Variants in PLCXD3 observed in about 807,000 individuals in gnomAD.
The protein encoded by PLCXD3 is PI-PLC X domain-containing protein 3.
Under a neutral mutation model 25.5 loss-of-function variants are expected in PLCXD3, and 19 were observed. The observed-to-expected ratio is 0.75, with a 90% confidence interval of 0.52 to 1.09. The LOEUF is 1.09. PLCXD3 is among the 50% of genes least tolerant of loss of function. The pLI is 0.00. For missense variants in PLCXD3, 411 were observed against 388.1 expected, an observed-to-expected ratio of 1.06 and a Z score of -0.50; for synonymous variants, 174 against 137.6, an observed-to-expected ratio of 1.26 and a Z score of -1.85.
At chr5:41,383,968 A>G (rs1285915387) in intron 1 of PLCXD3, among the ~76,000 whole-genome samples, 1 of 152,104 alleles carries the variant, frequency 6.6e-6, no homozygotes, top group Non-Finnish European at 1.5e-5. Flanking sequence ...AACAGCCCAT[A>G]AGAATCACAA....
At chr5:41,441,567 C>T (rs2150511727) in intron 1 of PLCXD3, among the ~76,000 whole-genome samples, 1 of 152,272 alleles carries the variant, frequency 6.6e-6, no homozygotes, top group Admixed American at 6.5e-5. Flanking sequence ...CAAGAGACTG[C>T]TCCAGAACAT....
intron 1 of PLCXD3, among the ~76,000 whole-genome samples, chr5:41,486,829 T>G (rs1748528952): frequency 6.6e-6 from 1 of 152,188 alleles, no homozygotes; most frequent in Non-Finnish European, 1.5e-5. Flanking sequence ...CTCATCTCAA[T>G]TTTAGAGCTG....
At chr5:41,409,668 A>G (rs1437214339) in intron 1 of PLCXD3, among the ~76,000 whole-genome samples, 1 of 152,190 alleles carries the variant, frequency 6.6e-6, no homozygotes, top group Non-Finnish European at 1.5e-5. Flanking sequence ...TTCCATGAGA[A>G]TTAGTATAGA....
rs1366936558 is a variant in PLCXD3 at position 41,474,843 on chromosome 5, G to T, written c.103+35581C>A. Among the ~76,000 whole-genome samples, 4 of 152,114 alleles carry T rather than the reference G, an allele frequency of 2.6e-5. No individual in the cohort carries two copies. In the East Asian group the frequency reaches 5.8e-4, roughly 22 times the overall value. ...AATCCCATGTATCCTGTTGGCAAAG[G>T]TCCCCAAATACCAGTGGAAATCTTA... On this transcript the variant is annotated intron_variant, in intron 1 of 2. Transcript: ENST00000377801.
intron 1 of PLCXD3, among the ~76,000 whole-genome samples, chr5:41,398,918 T>G (rs1746092811): frequency 6.6e-6 from 1 of 152,168 alleles, no homozygotes. Context: ...CAAATTATCC[T>G]TGTCCACAGA....
intron 1 of PLCXD3, among the ~76,000 whole-genome samples, chr5:41,403,772 T>C (rs537137821): frequency 1.1e-4 from 16 of 142,826 alleles, no homozygotes; most frequent in African/African-American, 4.0e-4. Context: ...CCATGGTGTA[T>C]ATGTGCCACA....
At chr5:41,385,242 C>T (rs1034322524) in intron 1 of PLCXD3, among the ~76,000 whole-genome samples, 5 of 152,080 alleles carry the variant, frequency 3.3e-5, no homozygotes, top group African/African-American at 1.2e-4. Flanking sequence ...TATATCTGGT[C>T]TGATATTTTG....
At chr5:41,412,773 G>C (rs1234519405) in intron 1 of PLCXD3, among the ~76,000 whole-genome samples, 1 of 152,124 alleles carries the variant, frequency 6.6e-6, no homozygotes, top group Non-Finnish European at 1.5e-5. Context: ...ATGCTAAAAG[G>C]ACTTGATATT....
chr5:41,321,888 G>C (rs908768716), intron 2 of PLCXD3, among the ~76,000 whole-genome samples: 1 of 152,062 alleles, frequency 6.6e-6, no homozygotes, highest in Non-Finnish European at 1.5e-5. Context: ...AATAAAACTT[G>C]GCCACTATCT....
chr5:41,351,944 G>A (rs1445583246), intron 2 of PLCXD3, among the ~76,000 whole-genome samples: 3 of 152,106 alleles, frequency 2.0e-5, no homozygotes, highest in Non-Finnish European at 4.4e-5. Context: ...GAATAAAGGA[G>A]CAAAATAATT....
chr5:41,352,934 A>G (rs1358630378), intron 2 of PLCXD3, among the ~76,000 whole-genome samples: 1 of 152,198 alleles, frequency 6.6e-6, no homozygotes, highest in Non-Finnish European at 1.5e-5. Context: ...GAAAAATCTT[A>G]AAGAGCAAGA....
At chr5:41,436,634 T>A (rs1162579470) in intron 1 of PLCXD3, among the ~76,000 whole-genome samples, 1 of 152,154 alleles carries the variant, frequency 6.6e-6, no homozygotes, top group African/African-American at 2.4e-5. Flanking sequence ...TAAGTGGCCC[T>A]GAAGTCTTTC....
chr5:41,494,894 C>T (rs1748800945), intron 1 of PLCXD3, among the ~76,000 whole-genome samples: 1 of 152,118 alleles, frequency 6.6e-6, no homozygotes, highest in African/African-American at 2.4e-5. Flanking sequence ...ACAAAGATAA[C>T]CTTACGGAAG....
chr5:41,497,830 CCTTCAAGTATCTT>C (rs1472543372), intron 1 of PLCXD3, among the ~76,000 whole-genome samples: 5 of 151,794 alleles, frequency 3.3e-5, no homozygotes, highest in Admixed American at 1.3e-4. Flanking sequence ...TACCAAGTAT[CCTTCAAGTATCTT>C]CTTCAAGTAT....
chr5:41,315,457 A>G (rs922073711), intron 2 of PLCXD3, among the ~76,000 whole-genome samples: 2 of 152,068 alleles, frequency 1.3e-5, no homozygotes. Context: ...AGAAATATAT[A>G]ACAACTGAAT....
At position 41,383,216 on chromosome 5, in the gene PLCXD3, A is replaced by AACAGCATTTAAAAATTG. The variant is rs1336689757; in HGVS notation, c.104-699_104-683dup. 6.6e-5 allele frequency among the ~76,000 whole-genome samples: 10 copies of AACAGCATTTAAAAATTG among 152,276 alleles called. No individual in the cohort carries two copies. In the East Asian group the frequency reaches 1.5e-3, roughly 24 times the overall value. On this transcript the variant is annotated intron_variant, in intron 1 of 2. Transcript: ENST00000377801. ...TGCAAGTCAACAGCATTTAAAAATTAACAGCATTTAAAAATTGACAGCATT... is the reference window on the plus strand; with the variant it reads ...TGCAAGTCAACAGCATTTAAAAATTAACAGCATTTAAAAATTGACAGCATTTAAAAATTGACAGCATT...
At position 41,328,205 on chromosome 5, in the gene PLCXD3, ATTAG is replaced by A. The variant is rs1322916603; in HGVS notation, c.813-14439_813-14436del. Among the ~76,000 whole-genome samples the A allele has an allele frequency of 7.9e-5, 12 of 152,140 alleles. 1 individual carries two copies. The highest frequency in any genetic ancestry group is 7.2e-4 in the Admixed American group (11 of 15,272). On this transcript the variant is annotated intron_variant, in intron 2 of 2. Transcript: ENST00000377801. ...AAGTGGGCATAATAATGAGGATTAA[ATTAG>A]TTAGTACATGTAGAATGATGAGAAG...
At chr5:41,401,194 C>A (rs1480100191) in intron 1 of PLCXD3, among the ~76,000 whole-genome samples, 4 of 151,940 alleles carry the variant, frequency 2.6e-5, no homozygotes, top group Non-Finnish European at 5.9e-5. Context: ...GTCTTTTAAA[C>A]AGCAAAAGTT....
chr5:41,455,951 G>A (rs927793065), intron 1 of PLCXD3, among the ~76,000 whole-genome samples: 27 of 151,906 alleles, frequency 1.8e-4, no homozygotes, highest in African/African-American at 5.3e-4. Context: ...ATGTAAGATT[G>A]TCGCAAAGAA....
Sources: gnomAD v4.1 joint callset for allele counts (sites outside exome capture counted in the v4.1 genomes callset) on GRCh38, gnomAD v4.1.1 for gene constraint, MANE v1.5 for transcripts, NCBI Gene and HGNC (gene_info 2026-07-23, HGNC 2026-07-21) for gene names.